SH2D4B: variants seen among roughly 807,000 people sequenced by gnomAD.
The protein encoded by SH2D4B is SH2 domain containing 4B.
In SH2D4B, 45 loss-of-function variants were observed where a neutral mutation model predicts 61.5. The ratio of observed to expected loss-of-function variants is 0.73; its 90% CI spans 0.58 to 0.94. The LOEUF (loss-of-function observed/expected upper bound fraction) is 0.94, where lower values mean the gene tolerates loss of function less well. SH2D4B is among the 40% of genes least tolerant of loss of function. The probability of loss-of-function intolerance (pLI) is 0.00; values close to 1 mark genes in which losing one functional copy is unlikely to be tolerated. For synonymous variants in SH2D4B, 224 were observed against 220.4 expected (o/e 1.02, Z -0.14); for missense variants, 572 against 574.2 (o/e 1.00, Z 0.04).
At chr10:80,613,735 C>T (rs1238453119) in intron 6 of SH2D4B, among the ~76,000 whole-genome samples, 1 of 152,190 alleles carries the variant, frequency 6.6e-6, no homozygotes, top group Non-Finnish European at 1.5e-5. Context: ...GTGCAGGGAT[C>T]CCAGCAGTGA....
intron 1 of SH2D4B, among the ~76,000 whole-genome samples, chr10:80,565,905 A>T (rs571526856): frequency 1.3e-5 from 2 of 151,942 alleles, no homozygotes; most frequent in Admixed American, 1.3e-4. Context: ...CCTGGCTAAC[A>T]CGGTGAAACC....
intron 7 of SH2D4B, among the ~76,000 whole-genome samples, chr10:80,640,645 A>C (rs907550579): frequency 6.6e-6 from 1 of 152,162 alleles, no homozygotes; most frequent in African/African-American, 2.4e-5. Context: ...CCATCAGGTC[A>C]TTTAAGGTTT....
At chr10:80,580,764 G>C (rs932799914) in intron 3 of SH2D4B, among the ~76,000 whole-genome samples, 1 of 152,180 alleles carries the variant, frequency 6.6e-6, no homozygotes, top group Admixed American at 6.6e-5. Context: ...CCTGGCCTCT[G>C]TGGGTTCCTG....
rs185374598 is a variant in SH2D4B at position 80,618,071 on chromosome 10, C to T, written c.988+8520C>T. Among the ~76,000 whole-genome samples, 6 of 152,294 alleles carry T rather than the reference C, an allele frequency of 3.9e-5. No individual in the cohort carries two copies. The East Asian group carries it at 5.8e-4, about 15-fold the overall frequency. Reference sequence around the variant, plus strand: ...AACTGCACAGACTGAGAGTACGTGGCGTCCCAAAAGGTCACAGTTCCCTTG... The same window carrying T: ...AACTGCACAGACTGAGAGTACGTGGTGTCCCAAAAGGTCACAGTTCCCTTG... On this transcript the variant is annotated intron_variant, in intron 6 of 7. Coordinates refer to ENST00000646907, the MANE Select transcript of SH2D4B (RefSeq NM_001388272.1).
intron 4 of SH2D4B, among the ~76,000 whole-genome samples, chr10:80,600,923 G>A (rs1318425817): frequency 1.3e-5 from 2 of 152,164 alleles, no homozygotes; most frequent in African/African-American, 4.8e-5. Flanking sequence ...GCAGTCAAAT[G>A]TCTGCAAAGC....
chr10:80,608,726 G>A (rs1050499244), intron 5 of SH2D4B, among the ~76,000 whole-genome samples: 2 of 152,010 alleles, frequency 1.3e-5, no homozygotes, highest in African/African-American at 2.4e-5. Context: ...CATTCCATCC[G>A]TAGTTACCAA....
chr10:80,595,553 C>T lies in SH2D4B; in HGVS notation c.643+6776C>T, dbSNP rs574717512. 8.5e-5 allele frequency among the ~76,000 whole-genome samples: 13 copies of T among 152,308 alleles called. No individual in the cohort carries two copies. The South Asian group carries it at 2.7e-3, about 32-fold the overall frequency. ...GTAATATATTTTCAACACTATTGCC[C>T]TGGCCTAGTGGCTGCCTTTAGCTTG... On this transcript the variant is annotated intron_variant, in intron 4 of 7. Coordinates refer to ENST00000646907, the MANE Select transcript of SH2D4B (RefSeq NM_001388272.1).
intron 6 of SH2D4B, among the ~76,000 whole-genome samples, chr10:80,630,331 C>A (rs1056257485): frequency 6.6e-6 from 1 of 152,184 alleles, no homozygotes. Context: ...ATGCTGCTCC[C>A]AGCAACAGGT....
intron 7 of SH2D4B, among the ~76,000 whole-genome samples, chr10:80,640,258 T>A (rs938368950): frequency 6.6e-6 from 1 of 152,208 alleles, no homozygotes; most frequent in Non-Finnish European, 1.5e-5. Flanking sequence ...ATCTGACAAT[T>A]ATGTGTCTTG....
intron 5 of SH2D4B, 45 bp downstream of exon 5, chr10:80,603,840 G>A: frequency 6.4e-7 from 1 of 1,565,984 alleles, no homozygotes; most frequent in Non-Finnish European, 8.7e-7. Flanking sequence ...AAGGGCCTTG[G>A]ATTAGGGCAT....
intron 6 of SH2D4B, among the ~76,000 whole-genome samples, chr10:80,619,352 A>C (rs1020826029): frequency 2.5e-4 from 38 of 152,100 alleles, no homozygotes; most frequent in African/African-American, 8.2e-4. Context: ...GAGGGTAGCT[A>C]CCCTGAAGGA....
At chr10:80,612,924 C>T (rs1211296786) in intron 6 of SH2D4B, among the ~76,000 whole-genome samples, 1 of 152,164 alleles carries the variant, frequency 6.6e-6, no homozygotes, top group Non-Finnish European at 1.5e-5. Flanking sequence ...TGGATGTGTC[C>T]TTTAAATTCC....
chr10:80,565,934 CA>C (rs1272015310), intron 1 of SH2D4B, among the ~76,000 whole-genome samples: 1 of 151,082 alleles, frequency 6.6e-6, no homozygotes, highest in African/African-American at 2.4e-5. Context: ...ACTAAAAATA[CA>C]AAAAAATTAG....
At chr10:80,584,825 A>G (rs1030721235) in intron 3 of SH2D4B, among the ~76,000 whole-genome samples, 3 of 152,232 alleles carry the variant, frequency 2.0e-5, no homozygotes, top group African/African-American at 7.2e-5. Context: ...CTAAATATGC[A>G]TGTGCCAAAA....
At chr10:80,612,484 T>G (rs1160973500) in intron 6 of SH2D4B, among the ~76,000 whole-genome samples, 1 of 152,138 alleles carries the variant, frequency 6.6e-6, no homozygotes, top group Non-Finnish European at 1.5e-5. Context: ...CATGCTCTTC[T>G]CATGGTGACA....
chr10:80,633,866 A>G (rs1460700892), intron 6 of SH2D4B, among the ~76,000 whole-genome samples: 1 of 152,262 alleles, frequency 6.6e-6, no homozygotes, highest in East Asian at 1.9e-4. Context: ...TAAGTGAGTT[A>G]GTCATCAGCA....
intron 3 of SH2D4B, among the ~76,000 whole-genome samples, chr10:80,580,321 A>G (rs1228307748): frequency 2.0e-5 from 3 of 152,202 alleles, no homozygotes; most frequent in Admixed American, 6.5e-5. Context: ...AGCTGAGTCT[A>G]CATATTACAA....
chr10:80,599,686 G>A (rs1842428595), intron 4 of SH2D4B, among the ~76,000 whole-genome samples: 4 of 152,176 alleles, frequency 2.6e-5, no homozygotes, highest in Admixed American at 6.5e-5. Flanking sequence ...TTGGATAAGG[G>A]TTGAGAGAGC....
intron 1 of SH2D4B, chr10:80,541,038 A>C (rs1448164468): frequency 1.2e-6 from 1 of 839,964 alleles, no homozygotes; most frequent in African/African-American, 1.7e-5. Context: ...GTTAGTGAGA[A>C]GCGAAAGTAC....
Sources: gnomAD v4.1 joint callset for allele counts (sites outside exome capture counted in the v4.1 genomes callset) on GRCh38, gnomAD v4.1.1 for gene constraint, MANE v1.5 for transcripts, NCBI Gene and HGNC (gene_info 2026-07-23, HGNC 2026-07-21) for gene names.